Variants in MRPL39 observed in about 807,000 individuals in gnomAD.
MRPL39 encodes large ribosomal subunit protein mL39.
In MRPL39, 35 loss-of-function variants were observed where a neutral mutation model predicts 44.5. That is an observed-to-expected ratio of 0.79 (90% CI 0.60 to 1.04). The LOEUF is 1.04. MRPL39 is among the 50% of genes least tolerant of loss of function. The pLI is 0.00. For synonymous variants in MRPL39, 139 were observed against 136.1 expected, an observed-to-expected ratio of 1.02 and a Z score of -0.15; for missense variants, 433 against 413.5, an observed-to-expected ratio of 1.05 and a Z score of -0.41.
intron 6 of MRPL39, among the ~76,000 whole-genome samples, chr21:25,597,024 C>T (rs2031380583): frequency 6.6e-6 from 1 of 152,090 alleles, no homozygotes; most frequent in Non-Finnish European, 1.5e-5. Context: ...CGTACATTAT[C>T]ACTTCACACT....
Position 25,607,457 on chromosome 21 carries a change from C to A in MRPL39, c.19G>T (p.Gly7Cys). Reference sequence around the variant, plus strand: ...AGCCAGAGCCGCAGCGCCCGGGAACCCATGGCCAGCGCCTCCATAGCAGCG... The same window carrying A: ...AGCCAGAGCCGCAGCGCCCGGGAACACATGGCCAGCGCCTCCATAGCAGCG... MEALAM[G>C]SRALRLWLVA... is the part of the protein sequence containing the mutation. The change falls in exon 1 of 10, where the codon GGT (glycine) becomes TGT (cysteine). Residue 7 changes from glycine to cysteine, a missense_variant. Transcript: ENST00000352957. 1.2e-6 allele frequency: 2 copies of A among 1,612,646 alleles called. No homozygotes were observed. Among genetic ancestry groups the A allele is most frequent in the East Asian group, 2.2e-5 (1 of 44,864 alleles).
chr21:25,607,605 G>A (rs1004017182), upstream of MRPL39: 4 of 903,018 alleles, frequency 4.4e-6, no homozygotes, highest in South Asian at 3.5e-5. Flanking sequence ...CTCCACCGGG[G>A]GGCGTCAGGC....
rs539656129 is a variant in MRPL39 at position 25,607,311 on chromosome 21, C to G, written c.73+92G>C. On this transcript the variant is annotated intron_variant, in intron 1 of 9. Coordinates refer to ENST00000352957, the MANE Select transcript of MRPL39 (RefSeq NM_017446.4). Reference sequence around the variant, plus strand: ...AGAAACCCTCCTCCTTCCTCTGCCCCGCGGGACCTCCCCGGCCCCGCCTCA... The same window carrying G: ...AGAAACCCTCCTCCTTCCTCTGCCCGGCGGGACCTCCCCGGCCCCGCCTCA... The G allele has an allele frequency of 9.9e-6, 14 of 1,413,900 alleles. No homozygotes were observed. The East Asian group carries it at 3.0e-4, about 30-fold the overall frequency. The allele number at this position is 1,413,900 out of a possible 1,614,324, so 87.6% of individuals were successfully genotyped here. A position where few individuals can be genotyped will look rare whatever the true frequency, so the allele number is the denominator to read the frequency against.
At position 25,601,510 on chromosome 21, in the gene MRPL39, T is replaced by G. The variant is rs1305507555; in HGVS notation, c.421-43A>C. On this transcript the variant is annotated intron_variant, in intron 3 of 9. Coordinates refer to ENST00000352957, the MANE Select transcript of MRPL39 (RefSeq NM_017446.4). ...ATATATAAAATATATATAAACACAC[T>G]GAGATTCACTAAAGTTTTGACAATA... 9 of 1,254,696 alleles carry G rather than the reference T, an allele frequency of 7.2e-6. No individual in the cohort carries two copies. In the East Asian group the frequency reaches 1.9e-4, roughly 26 times the overall value. The allele number at this position is 1,254,696 out of a possible 1,614,324, so 77.7% of individuals were successfully genotyped here.
chr21:25,604,372 T>C (rs1401984630), intron 2 of MRPL39, among the ~76,000 whole-genome samples: 1 of 152,224 alleles, frequency 6.6e-6, no homozygotes, highest in Non-Finnish European at 1.5e-5. Context: ...AGTTTGAAAT[T>C]AATTTGCTAA....
chr21:25,591,002 G>A (rs2031158494), intron 8 of MRPL39, among the ~76,000 whole-genome samples: 1 of 148,392 alleles, frequency 6.7e-6, no homozygotes, highest in African/African-American at 2.5e-5. Context: ...TTTTAACAAA[G>A]ATGCAAAAGT....
At chr21:25,587,608 A>T in intron 9 of MRPL39, 1 of 1,053,972 alleles carries the variant, frequency 9.5e-7, no homozygotes, top group Non-Finnish European at 1.4e-6. Context: ...GACAGAAAAT[A>T]AATGTACTGG....
At chr21:25,596,580 G>A (rs2123240286) in intron 6 of MRPL39, among the ~76,000 whole-genome samples, 1 of 152,030 alleles carries the variant, frequency 6.6e-6, no homozygotes, top group South Asian at 2.1e-4. Flanking sequence ...CTATCCCTAT[G>A]AGAATTTGTA....
chr21:25,587,168 A>C (rs749623862), intron 9 of MRPL39, among the ~76,000 whole-genome samples: 22 of 152,234 alleles, frequency 1.4e-4, no homozygotes, highest in Non-Finnish European at 2.5e-4. Flanking sequence ...CCGTTTTTCT[A>C]CATTTTTCAT....
chr21:25,607,650 T>C, upstream of MRPL39: 1 of 659,338 alleles, frequency 1.5e-6, no homozygotes. Flanking sequence ...ACCCCGAGAC[T>C]CGGAGCCGGG....
At chr21:25,603,435 A>G (rs1041386790) in intron 3 of MRPL39, among the ~76,000 whole-genome samples, 6 of 152,104 alleles carry the variant, frequency 3.9e-5, no homozygotes, top group African/African-American at 1.4e-4. Flanking sequence ...TAGTGGGGGG[A>G]TGGGTAAGCA....
At chr21:25,595,132 C>T (rs1336084897) in intron 6 of MRPL39, among the ~76,000 whole-genome samples, 2 of 152,196 alleles carry the variant, frequency 1.3e-5, no homozygotes, top group African/African-American at 4.8e-5. Flanking sequence ...GTCTGTTTAC[C>T]TCAGGGTGCT....
At chr21:25,592,419 G>A (rs1403886593) in intron 8 of MRPL39, among the ~76,000 whole-genome samples, 1 of 152,098 alleles carries the variant, frequency 6.6e-6, no homozygotes, top group East Asian at 1.9e-4. Flanking sequence ...TTAGCAAGGG[G>A]TGGGAGCAAT....
At chr21:25,599,700 T>C in intron 5 of MRPL39, 99 bp downstream of exon 5, 1 of 946,666 alleles carries the variant, frequency 1.1e-6, no homozygotes, top group African/African-American at 1.6e-5. Context: ...TTTTAAATGT[T>C]CTCAACATGC....
upstream of MRPL39, among the ~76,000 whole-genome samples, chr21:25,607,743 C>A (rs2031740284): frequency 6.6e-6 from 1 of 152,188 alleles, no homozygotes; most frequent in Non-Finnish European, 1.5e-5. Flanking sequence ...TGCCGCCCAC[C>A]ACGTAGGCTC....
chr21:25,596,150 C>G (rs1375926368), intron 6 of MRPL39, among the ~76,000 whole-genome samples: 3 of 151,804 alleles, frequency 2.0e-5, no homozygotes, highest in East Asian at 3.9e-4. Flanking sequence ...CCAGGCCGGA[C>G]TGCAGTGGCG....
intron 5 of MRPL39, among the ~76,000 whole-genome samples, chr21:25,599,409 A>C (rs1228069989): frequency 6.6e-6 from 1 of 152,212 alleles, no homozygotes; most frequent in East Asian, 1.9e-4. Flanking sequence ...GACCCAAACA[A>C]GTATGGCTCC....
At chr21:25,607,318 C>T in intron 1 of MRPL39, 85 bp downstream of exon 1, 1 of 1,494,350 alleles carries the variant, frequency 6.7e-7, no homozygotes. Context: ...CCCCGCGGGA[C>T]CTCCCCGGCC....
chr21:25,595,273 C>G (rs2829816), intron 6 of MRPL39, among the ~76,000 whole-genome samples: 106,335 of 151,968 alleles, frequency 0.7, 38,636 homozygotes, highest in Non-Finnish European at 0.82. Context: ...GTGCCAATTC[C>G]CTTGAATACT....
Sources: gnomAD v4.1 joint callset for allele counts (sites outside exome capture counted in the v4.1 genomes callset) on GRCh38, gnomAD v4.1.1 for gene constraint, MANE v1.5 for transcripts, NCBI Gene and HGNC (gene_info 2026-07-23, HGNC 2026-07-21) for gene names.